The following GLG1 variants were observed in gnomAD, a reference collection of about 807,000 sequenced individuals.
GLG1 encodes Golgi apparatus protein 1.
Under a neutral mutation model 160.5 loss-of-function variants are expected in GLG1, and 38 were observed. The ratio of observed to expected loss-of-function variants is 0.24; its 90% CI spans 0.18 to 0.31. The LOEUF (loss-of-function observed/expected upper bound fraction) is 0.31, where lower values mean the gene tolerates loss of function less well. Among genes scored for constraint, GLG1 ranks in the 10% least tolerant of loss-of-function variants. The probability of loss-of-function intolerance (pLI) is 1.00; values close to 1 mark genes in which losing one functional copy is unlikely to be tolerated. For synonymous variants in GLG1, 644 were observed against 543.4 expected (o/e 1.19, Z -2.57); for missense variants, 1,373 against 1,505.2 (o/e 0.91, Z 1.45).
At chr16:74,581,525 T>C (rs867842405) in intron 1 of GLG1, among the ~76,000 whole-genome samples, 19 of 120,952 alleles carry the variant, frequency 1.6e-4, no homozygotes, top group Middle Eastern at 3.6e-3. Context: ...GGAGATTCAA[T>C]GTAAGATTTA....
chr16:74,583,681 A>G (rs577001065), intron 1 of GLG1, among the ~76,000 whole-genome samples: 1 of 152,234 alleles, frequency 6.6e-6, no homozygotes, highest in South Asian at 2.1e-4. Context: ...CACCCAGCCT[A>G]AACTTTGACT....
intron 4 of GLG1, among the ~76,000 whole-genome samples, chr16:74,500,298 G>A (rs553754146): frequency 6.6e-6 from 1 of 152,044 alleles, no homozygotes; most frequent in African/African-American, 2.4e-5. Flanking sequence ...TGGCATATGA[G>A]TAATAAATTA....
chr16:74,587,598 G>A (rs1016349877), intron 1 of GLG1, among the ~76,000 whole-genome samples: 1 of 152,228 alleles, frequency 6.6e-6, no homozygotes, highest in African/African-American at 2.4e-5. Flanking sequence ...GCTGGGCACG[G>A]TGGCTCACGC....
At chr16:74,523,017 C>G (rs1205315248) in intron 2 of GLG1, among the ~76,000 whole-genome samples, 2 of 152,096 alleles carry the variant, frequency 1.3e-5, no homozygotes, top group African/African-American at 4.8e-5. Context: ...TTTTAAGTAA[C>G]CAATTTATCA....
chr16:74,509,390 T>TA (rs2016726970), intron 2 of GLG1, among the ~76,000 whole-genome samples: 2 of 152,078 alleles, frequency 1.3e-5, no homozygotes, highest in Non-Finnish European at 2.9e-5. Context: ...AAATAGGTTA[T>TA]ATGAGCTAAA....
intron 18 of GLG1, among the ~76,000 whole-genome samples, chr16:74,466,618 G>A (rs2143212733): frequency 6.6e-6 from 1 of 152,112 alleles, no homozygotes; most frequent in East Asian, 1.9e-4. Context: ...GGGTAATAGA[G>A]CAATCAAAAC....
chr16:74,509,265 C>T lies in GLG1; in HGVS notation c.472-340G>A, dbSNP rs1242836077. On this transcript the variant is annotated intron_variant, in intron 2 of 25. Transcript: ENST00000422840. The stretch of plus-strand genomic sequence containing the variant: ...GTGGCTCACTGCAACCTCCACCTCT[C>T]GGGTTCAAGCGATTCTTAAATGACA... Among the ~76,000 whole-genome samples the T allele has an allele frequency of 2.0e-5, 3 of 147,196 alleles. No individual in the cohort carries two copies. The Admixed American group carries it at 2.1e-4, about 10-fold the overall frequency.
chr16:74,486,082 T>C (rs1435019823), intron 8 of GLG1, among the ~76,000 whole-genome samples, 165 bp from the exon 9 acceptor site: 1 of 152,226 alleles, frequency 6.6e-6, no homozygotes, highest in South Asian at 2.1e-4. Flanking sequence ...CCAAATACTT[T>C]TCCAACTGGT....
At chr16:74,485,989 A>T (rs77919988) in intron 8 of GLG1, 72 bp from the exon 9 acceptor site, 2 of 1,201,928 alleles carry the variant, frequency 1.7e-6, no homozygotes, top group East Asian at 4.7e-5. Flanking sequence ...GTCTTCATAC[A>T]TTCAGTTGCT....
chr16:74,597,896 G>C (rs1454641300), intron 1 of GLG1, among the ~76,000 whole-genome samples: 1 of 148,862 alleles, frequency 6.7e-6, no homozygotes, highest in Admixed American at 6.7e-5. Flanking sequence ...TGTACCTGTA[G>C]TCCTAGCTAC....
intron 13 of GLG1, 169 bp from the exon 14 acceptor site, chr16:74,472,580 T>C (rs926500410): frequency 6.7e-7 from 1 of 1,500,722 alleles, no homozygotes; most frequent in Non-Finnish European, 8.9e-7. Flanking sequence ...AATATAGAAC[T>C]GCTCCTCCGT....
intron 11 of GLG1, among the ~76,000 whole-genome samples, chr16:74,478,915 G>A (rs897058661): frequency 7.1e-6 from 1 of 139,888 alleles, no homozygotes; most frequent in Non-Finnish European, 1.5e-5. Context: ...AAAAGGGGGG[G>A]GTTATTTTGG....
intron 9 of GLG1, among the ~76,000 whole-genome samples, chr16:74,484,369 C>T (rs1170475478): frequency 9.2e-5 from 14 of 151,872 alleles, no homozygotes; most frequent in African/African-American, 2.4e-4. Context: ...GAGTTTTCCT[C>T]GTTGCCCAGG....
chr16:74,463,249 A>G (rs2014870401), intron 20 of GLG1, 107 bp downstream of exon 20: 1 of 1,132,294 alleles, frequency 8.8e-7, no homozygotes, highest in Non-Finnish European at 1.3e-6. Flanking sequence ...TCCTCCCTTA[A>G]AATTCCCAGG....
intron 1 of GLG1, among the ~76,000 whole-genome samples, chr16:74,577,787 T>G (rs2019046222): frequency 6.6e-6 from 1 of 151,930 alleles, no homozygotes; most frequent in Non-Finnish European, 1.5e-5. Context: ...TTAATTTTAT[T>G]TTTATTTTTT....
At chr16:74,463,270 C>T in intron 20 of GLG1, 86 bp downstream of exon 20, 1 of 1,345,892 alleles carries the variant, frequency 7.4e-7, no homozygotes, top group East Asian at 2.3e-5. Flanking sequence ...CAACAAAGCC[C>T]TGGGAGTTTG....
intron 1 of GLG1, among the ~76,000 whole-genome samples, chr16:74,546,638 G>C (rs1171076688): frequency 6.6e-6 from 1 of 151,016 alleles, no homozygotes. Context: ...AGGAGTTTGA[G>C]ACCAGCTTGG....
intron 2 of GLG1, among the ~76,000 whole-genome samples, chr16:74,509,710 G>A (rs1291753087): frequency 2.6e-5 from 4 of 151,834 alleles, no homozygotes; most frequent in Admixed American, 2.6e-4. Context: ...ATTAGCCGGC[G>A]TGGTGGCAGG....
At chr16:74,532,211 TAGAGAACCTTTCAAG>T in intron 1 of GLG1, 58 bp from the exon 2 acceptor site, 1 of 585,934 alleles carries the variant, frequency 1.7e-6, no homozygotes, top group Non-Finnish European at 2.6e-6. Context: ...TATATATATA[TAGAGAACCTTTCAAG>T]TTTTCAAACA....
Sources: allele counts gnomAD v4.1 joint callset (sites outside exome capture counted in the v4.1 genomes callset), GRCh38; gene constraint gnomAD v4.1.1; transcripts MANE v1.5; gene names NCBI Gene and HGNC (gene_info 2026-07-23, HGNC 2026-07-21).